Variants in PLCL2 observed in about 807,000 individuals in gnomAD.
The protein encoded by PLCL2 is phospholipase C like 2.
In PLCL2, 4 loss-of-function variants were observed where a neutral mutation model predicts 79.6. The observed-to-expected ratio is 0.05, with a 90% CI of 0.02 to 0.11. The LOEUF is 0.11. PLCL2 is among the 10% of genes least tolerant of loss of function. PLCL2 has a pLI of 1.00. For synonymous variants in PLCL2, 484 were observed against 457.7 expected, an observed-to-expected ratio of 1.06 and a Z score of -0.73; for missense variants, 895 against 1,291.0, an observed-to-expected ratio of 0.69 and a Z score of 4.70.
chr3:17,021,940 A>G (rs1212668127), intron 3 of PLCL2, among the ~76,000 whole-genome samples: 1 of 152,194 alleles, frequency 6.6e-6, no homozygotes, highest in Admixed American at 6.5e-5. Flanking sequence ...CCTATTGGTG[A>G]ATGAGAAATG....
At chr3:16,896,463 T>C (rs1195379467) in intron 1 of PLCL2, among the ~76,000 whole-genome samples, 1 of 152,214 alleles carries the variant, frequency 6.6e-6, no homozygotes, top group Admixed American at 6.5e-5. Flanking sequence ...GCAGTCGTGA[T>C]TGCTTGGAGT....
intron 1 of PLCL2, among the ~76,000 whole-genome samples, chr3:16,924,169 C>G (rs974226632): frequency 6.6e-6 from 1 of 152,074 alleles, no homozygotes; most frequent in Non-Finnish European, 1.5e-5. Flanking sequence ...ATACTTCATC[C>G]CTTTGCATAC....
intron 4 of PLCL2, among the ~76,000 whole-genome samples, chr3:17,066,115 G>A (rs1330150620): frequency 6.6e-6 from 1 of 152,188 alleles, no homozygotes. Context: ...TGAAGAGTGG[G>A]GAAAGTGTGT....
At chr3:16,986,360 T>C (rs560989063) in intron 1 of PLCL2, among the ~76,000 whole-genome samples, 1 of 152,144 alleles carries the variant, frequency 6.6e-6, no homozygotes, top group South Asian at 2.1e-4. Context: ...ACAGTTCTAG[T>C]GTGAACCACC....
intron 1 of PLCL2, among the ~76,000 whole-genome samples, chr3:16,937,853 T>C (rs1350476426): frequency 4.6e-5 from 7 of 152,244 alleles, no homozygotes; most frequent in Non-Finnish European, 2.9e-5. Context: ...CCACGTCATG[T>C]ACTCAGTCTG....
chr3:17,032,417 C>G (rs771187170), intron 3 of PLCL2, among the ~76,000 whole-genome samples: 1 of 152,100 alleles, frequency 6.6e-6, no homozygotes, highest in Non-Finnish European at 1.5e-5. Context: ...GTGACATAAA[C>G]CACCCTAGTG....
chr3:17,035,875 C>A, intron 3 of PLCL2: 1 of 474,706 alleles, frequency 2.1e-6, no homozygotes, highest in South Asian at 1.6e-5. Flanking sequence ...TGGCAGCACC[C>A]AAATATGCTC....
Position 17,073,829 on chromosome 3 carries a change from A to C in PLCL2, c.3204+5764A>C, listed in dbSNP as rs146337243. Among the ~76,000 whole-genome samples, 499 of 152,342 alleles carry C rather than the reference A, an allele frequency of 3.3e-3. 5 individuals are homozygous for C. The highest frequency in any genetic ancestry group is 0.02 in the Middle Eastern group (6 of 294). On this transcript the variant is annotated intron_variant, in intron 5 of 5. Transcript: ENST00000615277. ...ACAGTTTTATGATGAGATTGCAGCAATTTAGTCACCTCTTCAGGCTCTATT... is the reference window on the plus strand; with the variant it reads ...ACAGTTTTATGATGAGATTGCAGCACTTTAGTCACCTCTTCAGGCTCTATT...
intron 4 of PLCL2, among the ~76,000 whole-genome samples, chr3:17,052,495 T>A (rs2064852906): frequency 6.6e-6 from 1 of 152,196 alleles, no homozygotes; most frequent in Non-Finnish European, 1.5e-5. Flanking sequence ...AAGATCCTCC[T>A]GATGATACTG....
intron 3 of PLCL2, among the ~76,000 whole-genome samples, chr3:17,033,327 G>A (rs1436704883): frequency 2.6e-5 from 4 of 152,112 alleles, no homozygotes; most frequent in Non-Finnish European, 5.9e-5. Context: ...ACAGTGTTCA[G>A]GCAGACTTAT....
intron 3 of PLCL2, among the ~76,000 whole-genome samples, chr3:17,017,530 C>T (rs2064398034): frequency 6.6e-6 from 1 of 152,124 alleles, no homozygotes; most frequent in Non-Finnish European, 1.5e-5. Flanking sequence ...CTAAAGGTCT[C>T]GGACAGCCCG....
rs1461251655 is a variant in PLCL2, at chr3:16,886,696, C to T, written c.327+1330C>T. On this transcript the variant is annotated intron_variant, in intron 1 of 5. Coordinates refer to ENST00000615277, the MANE Select transcript of PLCL2 (RefSeq NM_001144382.2). The surrounding 1 kb of genome is among the most constrained non-coding windows in gnomAD (Gnocchi z 4.2). The stretch of plus-strand genomic sequence containing the variant: ...AGATAAACTAAGGAAAGTAAAGTGT[C>T]TTTTTGCTGCATACATAGCTTTTAG... Among the ~76,000 whole-genome samples, 1 of 152,212 alleles carries T rather than the reference C, an allele frequency of 6.6e-6. No individual in the cohort carries two copies. The highest frequency in any genetic ancestry group is 1.5e-5 in the Non-Finnish European group (1 of 68,038).
In PLCL2 at chr3:17,011,678, G is replaced by A; in HGVS notation, c.2332G>A (p.Val778Met). Residue 778 changes from valine (V) to methionine (M), a missense_variant, in exon 2 of 6, where the codon GTG (valine) becomes ATG (methionine). Physicochemically the swap from Val to Met is conservative, Grantham distance 21 (BLOSUM62 1). Transcript: ENST00000615277. This position sits in a 1 kb window ranked among gnomAD's most constrained non-coding sequence, Gnocchi z 7.9. ...KPKGSGAKGD[V>M]VDPYVYVEIH... ...CAAAGGATCAGGTGCCAAAGGTGATGTGGTAGATCCTTATGTCTATGTTGA... is the reference window on the plus strand; with the variant it reads ...CAAAGGATCAGGTGCCAAAGGTGATATGGTAGATCCTTATGTCTATGTTGA... The A allele has an allele frequency of 1.2e-6, 2 of 1,614,150 alleles. No individual in the cohort carries two copies. The highest frequency in any genetic ancestry group is 1.7e-6 in the Non-Finnish European group (2 of 1,180,016).
rs951337819 is a variant in PLCL2 at position 16,941,294 on chromosome 3, C to T, written c.327+55928C>T. 6.6e-5 allele frequency among the ~76,000 whole-genome samples: 10 copies of T among 152,216 alleles called. 1 individual carries two copies. Among genetic ancestry groups the T allele is most frequent in the African/African-American group, 2.4e-4 (10 of 41,438 alleles). On this transcript the variant is annotated intron_variant, in intron 1 of 5. Transcript: ENST00000615277. ...CCATCACCTCTCAATTCCACTGTTG[C>T]ATTAGCCTCTTGACCATTCTTTTTT...
chr3:16,967,495 A>T (rs898811134), intron 1 of PLCL2, among the ~76,000 whole-genome samples: 5 of 151,876 alleles, frequency 3.3e-5, no homozygotes, highest in Non-Finnish European at 7.4e-5. Flanking sequence ...TGTGGTTTTG[A>T]TTTGCATTTC....
At chr3:17,074,666 A>G (rs1347513848) in intron 5 of PLCL2, among the ~76,000 whole-genome samples, 2 of 152,220 alleles carry the variant, frequency 1.3e-5, no homozygotes, top group Non-Finnish European at 2.9e-5. Context: ...ACCTTCATCA[A>G]TGATCTTGGC....
intron 4 of PLCL2, among the ~76,000 whole-genome samples, chr3:17,062,793 GA>G (rs1218664851): frequency 6.6e-6 from 1 of 151,910 alleles, no homozygotes; most frequent in African/African-American, 2.4e-5. Flanking sequence ...GTTTTTGAAA[GA>G]AAAAAAATCC....
At chr3:16,913,156 G>A (rs538389646) in intron 1 of PLCL2, among the ~76,000 whole-genome samples, 6 of 152,138 alleles carry the variant, frequency 3.9e-5, no homozygotes, top group African/African-American at 1.4e-4. Flanking sequence ...TACTACTCTA[G>A]CATCTTCTTC....
Position 16,924,382 on chromosome 3 carries a change from C to T in PLCL2, c.327+39016C>T, listed in dbSNP as rs142145787. On this transcript the variant is annotated intron_variant, in intron 1 of 5. Transcript: ENST00000615277. ...TGAAGCTTCTGTTCCATTAGCTTAG[C>T]AGTCAGTTAGTGATTGACAGAAATT... 7.7e-3 allele frequency among the ~76,000 whole-genome samples: 1,178 copies of T among 152,274 alleles called. 17 individuals carry two copies. The highest frequency in any genetic ancestry group is 0.027 in the African/African-American group (1,103 of 41,538).
Sources: gnomAD v4.1 joint callset for allele counts (sites outside exome capture counted in the v4.1 genomes callset) on GRCh38, gnomAD v4.1.1 for gene constraint, Gnocchi (gnomAD v3.1) non-coding constraint, MANE v1.5 for transcripts, NCBI Gene and HGNC (gene_info 2026-07-23, HGNC 2026-07-21) for gene names.